Variants in MAP7 observed in about 807,000 individuals in gnomAD.
MAP7 encodes the protein ensconsin.
A neutral mutation model predicts 94.8 loss-of-function variants in MAP7; 52 were observed. The ratio of observed to expected loss-of-function variants is 0.55; its 90% CI spans 0.44 to 0.69. The LOEUF is 0.69. Ranked by LOEUF, MAP7 falls within the 30% of genes least tolerant of loss-of-function variation. The pLI is 0.00. For missense variants in MAP7, 940 were observed against 964.6 expected (o/e 0.97, Z 0.34); for synonymous variants, 350 against 357.0 (o/e 0.98, Z 0.22).
At chr6:136,501,308 T>C (rs1239909388) in intron 1 of MAP7, among the ~76,000 whole-genome samples, 1 of 152,202 alleles carries the variant, frequency 6.6e-6, no homozygotes, top group Non-Finnish European at 1.5e-5. Context: ...TCTCCAGTTC[T>C]TATATTCTTA....
intron 1 of MAP7, among the ~76,000 whole-genome samples, chr6:136,497,328 T>G (rs1193110341): frequency 6.6e-6 from 1 of 152,018 alleles, no homozygotes; most frequent in Non-Finnish European, 1.5e-5. Context: ...GCAAGATCTT[T>G]AAGGTGTTTT....
At chr6:136,424,619 C>T (rs1792576499) in intron 1 of MAP7, among the ~76,000 whole-genome samples, 1 of 152,226 alleles carries the variant, frequency 6.6e-6, no homozygotes, top group South Asian at 2.1e-4. Flanking sequence ...CCTGTGCAAT[C>T]CACATCGTCT....
At position 136,346,075 on chromosome 6, in the gene MAP7, G is replaced by T; in HGVS notation, c.2020C>A (p.Pro674Thr). The T allele has an allele frequency of 1.3e-6, 2 of 1,590,696 alleles. No individual in the cohort carries two copies. Among genetic ancestry groups the T allele is most frequent in the South Asian group, 2.2e-5 (2 of 89,280 alleles). The change falls in exon 17 of 18, where the codon CCC becomes ACC. Residue 674 changes from proline (P) to threonine (T), a missense_variant. By Grantham distance (38) the Pro-to-Thr change is conservative. Coordinates refer to ENST00000354570, the MANE Select transcript of MAP7 (RefSeq NM_003980.6). Reference sequence around the variant, plus strand: ...TCATTTGGTTGTTTTTCCAAATCGGGAGTGCTAAGGAATTTGAAAAATAAA... The same window carrying T: ...TCATTTGGTTGTTTTTCCAAATCGGTAGTGCTAAGGAATTTGAAAAATAAA... Reference protein sequence around the residue: ...HQSKVTVESTPDLEKQPNENG... With the variant: ...HQSKVTVESTTDLEKQPNENG...
chr6:136,506,316 G>C (rs1821493775), intron 1 of MAP7, among the ~76,000 whole-genome samples: 1 of 152,084 alleles, frequency 6.6e-6, no homozygotes, highest in Admixed American at 6.5e-5. Flanking sequence ...ATGGTATTAG[G>C]TTTCACTGAG....
intron 3 of MAP7, among the ~76,000 whole-genome samples, chr6:136,398,538 G>A (rs1380992027): frequency 6.6e-6 from 1 of 152,168 alleles, no homozygotes; most frequent in Non-Finnish European, 1.5e-5. Context: ...GACCCCGTGG[G>A]ACATAATTTG....
chr6:136,372,662 T>G, intron 7 of MAP7, 37 bp from the exon 8 acceptor site: 1 of 1,613,780 alleles, frequency 6.2e-7, no homozygotes, highest in South Asian at 1.1e-5. Flanking sequence ...AGGGTGCAGG[T>G]GATTGGTTTT....
At chr6:136,463,427 C>T (rs545420466) in intron 1 of MAP7, among the ~76,000 whole-genome samples, 1 of 152,292 alleles carries the variant, frequency 6.6e-6, no homozygotes, top group African/African-American at 2.4e-5. Flanking sequence ...AAATCCACAT[C>T]AATTTGACTT....
rs1792016907 is a variant in MAP7 at position 136,359,821 on chromosome 6, T to G, written c.1911A>C (p.Thr637=). ...GTTTGAGTTCATTGACAGAAATACCTGTTCCTCCAGTGAGAGCTCCCTTGG... is the reference window on the plus strand; with the variant it reads ...GTTTGAGTTCATTGACAGAAATACCGGTTCCTCCAGTGAGAGCTCCCTTGG... ...DIAKGALTGG[T]EVSALPCTTN... is the part of the protein sequence containing the mutation. Residue 637 remains threonine (T), a splice_region_variant and synonymous_variant, in exon 15 of 18, where the codon ACA becomes ACC. Coordinates refer to ENST00000354570, the MANE Select transcript of MAP7 (RefSeq NM_003980.6). The G allele has an allele frequency of 2.5e-6, 4 of 1,612,090 alleles. No individual in the cohort carries two copies. The South Asian group carries it at 4.4e-5, about 18-fold the overall frequency.
intron 1 of MAP7, among the ~76,000 whole-genome samples, chr6:136,526,961 C>T (rs1425371655): frequency 1.3e-5 from 2 of 151,872 alleles, no homozygotes; most frequent in Non-Finnish European, 2.9e-5. Flanking sequence ...AAGAACTATG[C>T]TGGCTCCCAC....
chr6:136,388,720 G>A (rs186428303), intron 4 of MAP7, among the ~76,000 whole-genome samples: 11 of 152,260 alleles, frequency 7.2e-5, no homozygotes, highest in East Asian at 3.9e-4. Flanking sequence ...AGCCCTTGGC[G>A]AACAACAGGC....
chr6:136,399,523 T>C lies in MAP7; in HGVS notation c.245-10006A>G, dbSNP rs1464527068. 4.0e-5 allele frequency among the ~76,000 whole-genome samples: 6 copies of C among 151,892 alleles called. 1 individual carries two copies. The East Asian group carries it at 1.2e-3, about 29-fold the overall frequency. On this transcript the variant is annotated intron_variant, in intron 3 of 17. Coordinates refer to ENST00000354570, the MANE Select transcript of MAP7 (RefSeq NM_003980.6). ...CATGTCTGGCTCGTTTTTTTTTTTA[T>C]TATTATTCCTTGTAGAGACAGAGTC...
chr6:136,362,745 T>C (rs759066760), intron 10 of MAP7, 43 bp from the exon 11 acceptor site: 1 of 1,512,558 alleles, frequency 6.6e-7, no homozygotes, highest in Non-Finnish European at 8.8e-7. Flanking sequence ...GGAAACAAAA[T>C]CCAAAGAACA....
At chr6:136,539,922 T>A (rs906029344) in intron 1 of MAP7, among the ~76,000 whole-genome samples, 1 of 152,174 alleles carries the variant, frequency 6.6e-6, no homozygotes, top group Non-Finnish European at 1.5e-5. Flanking sequence ...AAGGCTGTAG[T>A]AAGTCAGGAT....
Position 136,477,825 on chromosome 6 carries a change from G to A in MAP7, c.68-56026C>T, listed in dbSNP as rs546382059. On this transcript the variant is annotated intron_variant, in intron 1 of 17. Coordinates refer to ENST00000354570, the MANE Select transcript of MAP7 (RefSeq NM_003980.6). Reference sequence around the variant, plus strand: ...CAAATTGATCTAATAGGTATTTATAGGACATTTCATCCTATGGCTGCAGAA... The same window carrying A: ...CAAATTGATCTAATAGGTATTTATAAGACATTTCATCCTATGGCTGCAGAA... Among the ~76,000 whole-genome samples the A allele has an allele frequency of 7.2e-5, 11 of 152,288 alleles. No homozygotes were observed. In the South Asian group the frequency reaches 2.1e-3, roughly 29 times the overall value.
rs1280657732 is a variant in MAP7 at position 136,420,017 on chromosome 6, C to A, written c.166+1684G>T. ...TGTTGTGACTCAAGGATATTAGCCA[C>A]CACCACTTGATGCTGATAAACTTCC... is the stretch of plus-strand genomic sequence containing the variant. On this transcript the variant is annotated intron_variant, in intron 2 of 17. Transcript: ENST00000354570. The A allele has an allele frequency of 8.5e-6, 7 of 820,328 alleles. No individual in the cohort carries two copies. In the Admixed American group the frequency reaches 1.2e-4, roughly 14 times the overall value. The allele number at this position is 820,328 out of a possible 1,614,324, so 50.8% of individuals were successfully genotyped here. A position where few individuals can be genotyped will look rare whatever the true frequency, so the allele number is the denominator to read the frequency against.
At chr6:136,449,973 G>C (rs1017373489) in intron 1 of MAP7, among the ~76,000 whole-genome samples, 19 of 152,202 alleles carry the variant, frequency 1.2e-4, no homozygotes, top group Non-Finnish European at 2.5e-4. Context: ...CAGATCACCT[G>C]AGGTCAGGAG....
Position 136,361,161 on chromosome 6 carries a change from C to G in MAP7, c.1545G>C (p.Leu515Phe), listed in dbSNP as rs1270603447. 6.9e-6 allele frequency: 11 copies of G among 1,603,620 alleles called. No individual in the cohort carries two copies. The highest frequency in any genetic ancestry group is 4.2e-6 in the Non-Finnish European group (5 of 1,179,964). Reference protein sequence around the residue: ...EELERQKREELAQRVAEERTT... With the variant: ...EELERQKREEFAQRVAEERTT... The stretch of plus-strand genomic sequence containing the variant: ...TCCTCTCTTCAGCCACACGTTGAGC[C>G]AATTCCTCTCTCTTTTGTCTGGAAA... The change falls in exon 12 of 18, where the codon TTG (leucine) becomes TTC (phenylalanine). Residue 515 changes from leucine (L) to phenylalanine (F), a missense_variant. Coordinates refer to ENST00000354570, the MANE Select transcript of MAP7 (RefSeq NM_003980.6).
chr6:136,516,983 A>AG (rs1335771533), intron 1 of MAP7, among the ~76,000 whole-genome samples: 2 of 151,952 alleles, frequency 1.3e-5, no homozygotes, highest in African/African-American at 4.8e-5. Flanking sequence ...TGCAAAAAAA[A>AG]AAAAATCCTT....
At chr6:136,411,739 T>TAA in intron 2 of MAP7, 42 bp from the exon 3 acceptor site, 39 of 1,155,234 alleles carry the variant, frequency 3.4e-5, no homozygotes, top group South Asian at 6.8e-5. Context: ...AAGAGTGGAT[T>TAA]AAAAAAAAAA....
Sources: allele counts gnomAD v4.1 joint callset (sites outside exome capture counted in the v4.1 genomes callset), GRCh38; gene constraint gnomAD v4.1.1; transcripts MANE v1.5; gene names NCBI Gene and HGNC (gene_info 2026-07-23, HGNC 2026-07-21).